Variants in ME3 observed in about 807,000 individuals in gnomAD.
ME3 encodes the protein malic enzyme 3.
In ME3, 48 loss-of-function variants were observed where a neutral mutation model predicts 68.9. The observed-to-expected ratio is 0.70, with a 90% CI of 0.55 to 0.89. ME3 has a LOEUF of 0.89. Among genes scored for constraint, ME3 ranks in the 40% least tolerant of loss-of-function variants. ME3 has a pLI of 0.00. For synonymous variants in ME3, 320 were observed against 318.8 expected, an observed-to-expected ratio of 1.00 and a Z score of -0.04; for missense variants, 675 against 797.4, an observed-to-expected ratio of 0.85 and a Z score of 1.85.
At chr11:86,453,840 T>A (rs1033446841) in intron 8 of ME3, among the ~76,000 whole-genome samples, 2 of 152,234 alleles carry the variant, frequency 1.3e-5, no homozygotes, top group African/African-American at 4.8e-5. Flanking sequence ...ACTAGTCTCA[T>A]AGCTGCCACT....
At chr11:86,570,412 G>A (rs1430237291) in intron 2 of ME3, among the ~76,000 whole-genome samples, 1 of 152,116 alleles carries the variant, frequency 6.6e-6, no homozygotes, top group African/African-American at 2.4e-5. Flanking sequence ...TTATGAGTTA[G>A]GGTGATGGGG....
chr11:86,483,504 CGT>C (rs370614670), intron 7 of ME3, among the ~76,000 whole-genome samples: 3 of 150,502 alleles, frequency 2.0e-5, no homozygotes, highest in Admixed American at 6.6e-5. Flanking sequence ...TCAGGGATTA[CGT>C]GTGTGTGTGT....
chr11:86,478,515 G>C (rs1951212677), intron 7 of ME3, among the ~76,000 whole-genome samples: 1 of 151,948 alleles, frequency 6.6e-6, no homozygotes, highest in Non-Finnish European at 1.5e-5. Context: ...ATTTGAATTG[G>C]GGCATTGTTA....
intron 2 of ME3, among the ~76,000 whole-genome samples, chr11:86,562,659 C>A (rs1056887054): frequency 1.8e-4 from 28 of 152,014 alleles, no homozygotes; most frequent in African/African-American, 6.5e-4. Context: ...AGTATCTTTT[C>A]TTTTTTTCCC....
chr11:86,479,151 T>C (rs1246113687), intron 7 of ME3, among the ~76,000 whole-genome samples: 7 of 152,130 alleles, frequency 4.6e-5, no homozygotes, highest in Non-Finnish European at 5.9e-5. Context: ...AGAGGAAGGG[T>C]GAATTCGTTC....
intron 8 of ME3, among the ~76,000 whole-genome samples, chr11:86,454,634 A>G (rs1397015322): frequency 1.3e-5 from 2 of 152,214 alleles, no homozygotes; most frequent in Non-Finnish European, 1.5e-5. Flanking sequence ...AAAATAAGGT[A>G]TGGTTTGCTG....
At chr11:86,536,967 T>C (rs1353601664) in intron 4 of ME3, among the ~76,000 whole-genome samples, 2 of 151,890 alleles carry the variant, frequency 1.3e-5, no homozygotes, top group African/African-American at 4.8e-5. Context: ...TAAAAAATGA[T>C]GAGTTCATGT....
chr11:86,462,774 T>G (rs1950287329), intron 8 of ME3: 4 of 457,192 alleles, frequency 8.7e-6, no homozygotes, highest in Non-Finnish European at 1.7e-5. Flanking sequence ...TGGGGTACAA[T>G]GAAGTAAGAG....
At chr11:86,657,726 G>GA (rs935963412) in intron 2 of ME3, among the ~76,000 whole-genome samples, 1 of 151,724 alleles carries the variant, frequency 6.6e-6, no homozygotes. Context: ...TTTTCCTTTA[G>GA]AAAAAAAATA....
At chr11:86,579,459 C>T (rs1958308973) in intron 2 of ME3, among the ~76,000 whole-genome samples, 1 of 152,136 alleles carries the variant, frequency 6.6e-6, no homozygotes. Flanking sequence ...TCAGTGTCCT[C>T]AGTGGGGGAC....
At chr11:86,524,673 A>G (rs1954593505) in intron 4 of ME3, among the ~76,000 whole-genome samples, 1 of 152,210 alleles carries the variant, frequency 6.6e-6, no homozygotes, top group South Asian at 2.1e-4. Context: ...ATCATTGCAT[A>G]TTAGTTATGA....
At chr11:86,636,532 C>T (rs1419813984) in intron 2 of ME3, among the ~76,000 whole-genome samples, 1 of 152,182 alleles carries the variant, frequency 6.6e-6, no homozygotes, top group Non-Finnish European at 1.5e-5. Context: ...TATGCCCAGA[C>T]ACACATGACA....
At chr11:86,651,763 G>A (rs1270224592) in intron 2 of ME3, among the ~76,000 whole-genome samples, 1 of 152,244 alleles carries the variant, frequency 6.6e-6, no homozygotes, top group African/African-American at 2.4e-5. Flanking sequence ...TTGATGAGAT[G>A]AGAGGAGAAG....
At chr11:86,622,931 C>T (rs1447548102) in intron 2 of ME3, 1 of 150,586 alleles carries the variant, frequency 6.6e-6, no homozygotes, top group Non-Finnish European at 1.5e-5. Flanking sequence ...CCTACCTCCA[C>T]CTCTTATTGG....
exon 4 of ME3, chr11:86,556,596 C>T (rs1470584632): frequency 6.2e-7 from 1 of 1,614,142 alleles, no homozygotes. Flanking sequence ...CAGGCCAGCC[C>T]CACGGTAGGC....
intron 2 of ME3, among the ~76,000 whole-genome samples, chr11:86,585,026 C>G (rs1300627977): frequency 6.6e-6 from 1 of 152,046 alleles, no homozygotes; most frequent in African/African-American, 2.4e-5. Context: ...GTTAATTAGG[C>G]CAAGTGGTGG....
intron 4 of ME3, among the ~76,000 whole-genome samples, chr11:86,521,618 G>A (rs916454487): frequency 6.6e-6 from 1 of 152,098 alleles, no homozygotes; most frequent in African/African-American, 2.4e-5. Flanking sequence ...CTCTCCAAGA[G>A]ACACAGAATT....
At chr11:86,631,814 C>A (rs1160905583) in intron 2 of ME3, among the ~76,000 whole-genome samples, 1 of 152,172 alleles carries the variant, frequency 6.6e-6, no homozygotes, top group African/African-American at 2.4e-5. Context: ...CTCACTGCAA[C>A]CTCCGCCTCT....
intron 6 of ME3, among the ~76,000 whole-genome samples, chr11:86,491,550 G>A (rs1952012856): frequency 6.6e-6 from 1 of 152,154 alleles, no homozygotes; most frequent in African/African-American, 2.4e-5. Flanking sequence ...AACAGTAGTG[G>A]GCAGAGCTCC....
Sources: gnomAD v4.1 joint callset for allele counts (sites outside exome capture counted in the v4.1 genomes callset) on GRCh38, gnomAD v4.1.1 for gene constraint, MANE v1.5 for transcripts, NCBI Gene and HGNC (gene_info 2026-07-23, HGNC 2026-07-21) for gene names.